KIF3A: variants seen among roughly 807,000 people sequenced by gnomAD.
The protein encoded by KIF3A is kinesin-like protein KIF3A.
KIF3A carries 27 observed loss-of-function variants against 92.6 expected under a neutral mutation model. The observed-to-expected ratio is 0.29, with a 90% CI of 0.21 to 0.40. The LOEUF (loss-of-function observed/expected upper bound fraction) is 0.40, where lower values mean the gene tolerates loss of function less well. Ranked by LOEUF, KIF3A falls within the 10% of genes least tolerant of loss-of-function variation. The pLI is 1.00. For synonymous variants in KIF3A, 250 were observed against 275.4 expected (o/e 0.91, Z 0.92); for missense variants, 581 against 872.6 (o/e 0.67, Z 4.21).
At chr5:132,722,127 C>G (rs1025276719) in intron 4 of KIF3A, among the ~76,000 whole-genome samples, 2 of 152,148 alleles carry the variant, frequency 1.3e-5, no homozygotes, top group African/African-American at 4.8e-5. Flanking sequence ...ATTCTCACCG[C>G]AGACTGAAAA....
intron 2 of KIF3A, among the ~76,000 whole-genome samples, chr5:132,729,093 G>A (rs985201542): frequency 6.6e-6 from 1 of 152,142 alleles, no homozygotes; most frequent in African/African-American, 2.4e-5. Context: ...GTGCAAAGGC[G>A]TAAGAACGAT....
In KIF3A at chr5:132,716,702, T is replaced by C. The variant is rs1211651374; in HGVS notation, c.756+143A>G. On this transcript the variant is annotated intron_variant, in intron 6 of 18. Coordinates refer to ENST00000403231, the MANE Select transcript of KIF3A (RefSeq NM_001300791.2). ...TCTACTTTCATATACATTTGAAATGTTCCATAATAAATAATAAACATACAC... is the reference window on the plus strand; with the variant it reads ...TCTACTTTCATATACATTTGAAATGCTCCATAATAAATAATAAACATACAC... The C allele has an allele frequency of 3.1e-6, 3 of 954,046 alleles. No homozygotes were observed. In the African/African-American group the frequency reaches 5.0e-5, roughly 16 times the overall value. The allele number at this position is 954,046 out of a possible 1,614,324, so 59.1% of individuals were successfully genotyped here.
In KIF3A at chr5:132,737,442, C is replaced by G. The variant is rs1581108161; in HGVS notation, c.-23G>C. The G allele has an allele frequency of 5.6e-6, 9 of 1,602,210 alleles. No homozygotes were observed. The South Asian group carries it at 1.0e-4, about 18-fold the overall frequency. ...CATCTTGGCCCCCTCCCGTGCCCGG[C>G]GGACGTCCCCGCCCGGGGTGCAGCC... On this transcript the variant is annotated 5_prime_UTR_variant, in exon 1 of 19. Transcript: ENST00000403231.
At chr5:132,737,305 G>A in intron 1 of KIF3A, 109 bp downstream of exon 1, 2 of 1,289,526 alleles carry the variant, frequency 1.6e-6, no homozygotes, top group East Asian at 2.9e-5. Flanking sequence ...AGCCTGCCCC[G>A]CCCCACCCAG....
At chr5:132,700,740 A>G (rs750463375) in intron 15 of KIF3A, 40 bp from the exon 16 acceptor site, 1 of 1,279,938 alleles carries the variant, frequency 7.8e-7, no homozygotes, top group Middle Eastern at 2.0e-4. Context: ...TTAATATTTA[A>G]TAACATCTAA....
In KIF3A at chr5:132,702,947, T is replaced by C. The variant is rs371830516; in HGVS notation, c.1585A>G (p.Met529Val). 6 of 1,613,510 alleles carry C rather than the reference T, an allele frequency of 3.7e-6. No individual in the cohort carries two copies. The African/African-American group carries it at 4.0e-5, about 11-fold the overall frequency. The change falls in exon 13 of 19, where the codon ATG (methionine) becomes GTG (valine). Residue 529 changes from methionine to valine, a missense_variant. Transcript: ENST00000403231. ...CTTTTCCTCCTTTCTTCCAGTTCCA[T>C]GTTAGATTCTTCAAGAAGTTTCTCT... is the stretch of plus-strand genomic sequence containing the variant. ...EQEKLLEESN[M>V]ELEERRKRAE...
intron 10 of KIF3A, among the ~76,000 whole-genome samples, chr5:132,708,277 G>A (rs1412534993): frequency 7.3e-5 from 9 of 123,726 alleles, no homozygotes; most frequent in African/African-American, 2.0e-4. Context: ...GCAAGACTCC[G>A]TCTCAAAAAA....
intron 10 of KIF3A, among the ~76,000 whole-genome samples, chr5:132,707,812 C>A (rs1181043668): frequency 6.6e-6 from 1 of 152,002 alleles, no homozygotes; most frequent in African/African-American, 2.4e-5. Flanking sequence ...CAGGCTGGTA[C>A]AAGAAAGCAA....
At chr5:132,716,185 T>G (rs1753614900) in intron 7 of KIF3A, 60 bp downstream of exon 7, 2 of 1,328,766 alleles carry the variant, frequency 1.5e-6, no homozygotes, top group African/African-American at 2.9e-5. Context: ...TATCAATTAT[T>G]GGCATAAATT....
At chr5:132,710,564 C>T (rs1341596796) in intron 9 of KIF3A, among the ~76,000 whole-genome samples, 4 of 152,186 alleles carry the variant, frequency 2.6e-5, no homozygotes, top group East Asian at 1.9e-4. Context: ...TGCAGTGAGC[C>T]GAGATCGCGC....
chr5:132,735,370 C>G lies in KIF3A; in HGVS notation c.7-892G>C, dbSNP rs541704814. Among the ~76,000 whole-genome samples the G allele has an allele frequency of 4.9e-4, 74 of 152,232 alleles. 1 individual carries two copies. Among genetic ancestry groups the G allele is most frequent in the Admixed American group, 3.3e-4 (5 of 15,294 alleles). On this transcript the variant is annotated intron_variant, in intron 1 of 18. Transcript: ENST00000403231. ...GATTACAGGCATGTGCCACCGCACCCCGTCATTTCTGAAATTTTATGATTA... is the reference window on the plus strand; with the variant it reads ...GATTACAGGCATGTGCCACCGCACCGCGTCATTTCTGAAATTTTATGATTA...
intron 11 of KIF3A, among the ~76,000 whole-genome samples, chr5:132,705,653 T>G (rs1203234017): frequency 6.6e-6 from 1 of 152,032 alleles, no homozygotes; most frequent in Non-Finnish European, 1.5e-5. Context: ...CTTGTAACAC[T>G]TTCATGAAGA....
downstream of KIF3A, among the ~76,000 whole-genome samples, chr5:132,690,568 GATC>G (rs1297668642): frequency 1.3e-5 from 2 of 152,192 alleles, no homozygotes; most frequent in African/African-American, 2.4e-5. Context: ...ACCCTGATCT[GATC>G]ATCATGTATT....
chr5:132,703,412 G>GA lies in KIF3A; in HGVS notation c.1466+50dup, dbSNP rs746668756. 74 of 1,486,998 alleles carry GA rather than the reference G, an allele frequency of 5.0e-5. No homozygotes were observed. The Middle Eastern group carries it at 9.1e-4, about 18-fold the overall frequency. The allele number at this position is 1,486,998 out of a possible 1,614,324, so 92.1% of individuals were successfully genotyped here. A position where few individuals can be genotyped will look rare whatever the true frequency, so the allele number is the denominator to read the frequency against. ...AATTTTCCTATTTTATATATCCTAG[G>GA]AAAAAACAGAAATTTAAATCATGAA... On this transcript the variant is annotated intron_variant, in intron 12 of 18. Coordinates refer to ENST00000403231, the MANE Select transcript of KIF3A (RefSeq NM_001300791.2).
intron 8 of KIF3A, 90 bp downstream of exon 8, chr5:132,715,666 AG>A: frequency 1.1e-6 from 1 of 884,710 alleles, no homozygotes; most frequent in Non-Finnish European, 1.7e-6. Flanking sequence ...GGCTCAAAAA[AG>A]GTTTAATAGA....
At chr5:132,709,098 T>C (rs1753326314) in intron 9 of KIF3A, 120 bp from the exon 10 acceptor site, 1 of 745,736 alleles carries the variant, frequency 1.3e-6, no homozygotes, top group African/African-American at 1.8e-5. Flanking sequence ...AATCAAGCTT[T>C]GTATTAAAGA....
In KIF3A at chr5:132,692,631, T is replaced by G. The variant is rs1258177000; in HGVS notation, c.*4003A>C. On this transcript the variant is annotated 3_prime_UTR_variant, in exon 19 of 19. Transcript: ENST00000403231. ...AAGCAGCAGACCACTACTACAGGCA[T>G]TAGGTAAAAGATTTTTATTCTTATT... 1 of 152,464 alleles carries G rather than the reference T, an allele frequency of 6.6e-6. No individual in the cohort carries two copies. The highest frequency in any genetic ancestry group is 1.5e-5 in the Non-Finnish European group (1 of 68,038). The allele number at this position is 152,464 out of a possible 1,614,324, so 9.4% of individuals were successfully genotyped here.
Position 132,695,055 on chromosome 5 carries a change from T to C in KIF3A, c.*1579A>G, listed in dbSNP as rs1752787037. ...ATTAAAATAATATTAATTTAATAAA[T>C]ACTAACTTATAAAGTCTCAAAATAT... On this transcript the variant is annotated 3_prime_UTR_variant, in exon 19 of 19. Transcript: ENST00000403231. 2 of 152,252 alleles carry C rather than the reference T, an allele frequency of 1.3e-5. No individual in the cohort carries two copies. The highest frequency in any genetic ancestry group is 3.2e-3 in the Middle Eastern group (1 of 316). The allele number at this position is 152,252 out of a possible 1,614,324, so 9.4% of individuals were successfully genotyped here.
At chr5:132,712,830 G>A (rs1753474484) in intron 8 of KIF3A, among the ~76,000 whole-genome samples, 1 of 152,204 alleles carries the variant, frequency 6.6e-6, no homozygotes. Flanking sequence ...TGGGGAATTA[G>A]ACTGAAGAAC....
Sources: allele counts gnomAD v4.1 joint callset (sites outside exome capture counted in the v4.1 genomes callset), GRCh38; gene constraint gnomAD v4.1.1; transcripts MANE v1.5; gene names NCBI Gene and HGNC (gene_info 2026-07-23, HGNC 2026-07-21).